RO60: variants seen among roughly 807,000 people sequenced by gnomAD.
The protein encoded by RO60 is Ro60, Y RNA binding protein, also known as RNA-binding protein RO60.
In RO60, 20 loss-of-function variants were observed where a neutral mutation model predicts 55.3. That is an observed-to-expected ratio of 0.36 (90% confidence interval 0.25 to 0.53). RO60 has a LOEUF of 0.53. RO60 is among the 20% of genes least tolerant of loss of function. The pLI is 0.92. For synonymous variants in RO60, 213 were observed against 213.6 expected (o/e 1.00, Z 0.02); for missense variants, 558 against 646.6 (o/e 0.86, Z 1.49).
intron 2 of RO60, among the ~76,000 whole-genome samples, chr1:193,075,117 T>C (rs534522479): frequency 6.6e-6 from 1 of 152,118 alleles, no homozygotes; most frequent in Non-Finnish European, 1.5e-5. Context: ...ATTTTAATGT[T>C]GTAATCCAAT....
chr1:193,067,098 C>G (rs1289898626), intron 1 of RO60, among the ~76,000 whole-genome samples: 1 of 151,736 alleles, frequency 6.6e-6, no homozygotes, highest in African/African-American at 2.4e-5. Context: ...TACTACAGCA[C>G]TTAACTACAG....
chr1:193,063,770 A>G (rs1376236243), intron 1 of RO60, among the ~76,000 whole-genome samples: 3 of 152,200 alleles, frequency 2.0e-5, no homozygotes, highest in Non-Finnish European at 4.4e-5. Context: ...TGGGGTCCCC[A>G]GGCTACTCAC....
At chr1:193,069,749 C>A in intron 2 of RO60, 115 bp downstream of exon 2, 1 of 805,314 alleles carries the variant, frequency 1.2e-6, no homozygotes, top group Non-Finnish European at 1.9e-6. Context: ...GCCTTTTATT[C>A]TCAAAATATA....
chr1:193,063,758 A>C (rs1672935772), intron 1 of RO60, among the ~76,000 whole-genome samples: 1 of 152,170 alleles, frequency 6.6e-6, no homozygotes, highest in African/African-American at 2.4e-5. Flanking sequence ...ACCAGCTGTA[A>C]ATGGGGTCCC....
chr1:193,084,020 C>T (rs753406836), intron 8 of RO60, among the ~76,000 whole-genome samples: 2 of 152,140 alleles, frequency 1.3e-5, no homozygotes, highest in African/African-American at 2.4e-5. Context: ...TTAACAGTTA[C>T]GGTAGATGTA....
Position 193,089,147 on chromosome 1 carries a change from C to T in RO60, c.*4416C>T, listed in dbSNP as rs1272393914. On this transcript the variant is annotated 3_prime_UTR_variant, in exon 9 of 9. Coordinates refer to ENST00000400968, the MANE Select transcript of RO60 (RefSeq NM_001173524.2). ...TTTATATTAGATGTTTGCAGAAATT[C>T]TGTGGCCTTTAAGATCAGTTATTCA... 6.6e-6 allele frequency: 1 copy of T among 152,134 alleles called. No homozygotes were observed. The highest frequency in any genetic ancestry group is 1.5e-5 in the Non-Finnish European group (1 of 67,996). The allele number at this position is 152,134 out of a possible 1,614,324, so 9.4% of individuals were successfully genotyped here. A position where few individuals can be genotyped will look rare whatever the true frequency, so the allele number is the denominator to read the frequency against.
downstream of RO60, chr1:193,091,706 CTG>C (rs769375837): frequency 1.2e-6 from 2 of 1,604,014 alleles, no homozygotes; most frequent in African/African-American, 1.3e-5. Context: ...CAGGTGGACA[CTG>C]TGTGAACTGT....
chr1:193,088,376 A>G lies in RO60; in HGVS notation c.*3645A>G, dbSNP rs1239414306. 3 of 92,828 alleles carry G rather than the reference A, an allele frequency of 3.2e-5. No individual in the cohort carries two copies. The highest frequency in any genetic ancestry group is 7.8e-5 in the Non-Finnish European group (3 of 38,558). 5.8% of individuals were successfully genotyped at this position (92,828 alleles called of 1,614,324 possible). On this transcript the variant is annotated 3_prime_UTR_variant, in exon 9 of 9. Coordinates refer to ENST00000400968, the MANE Select transcript of RO60 (RefSeq NM_001173524.2). ...CTACAAATAGTAAAGTACTATTTTC[A>G]TCAGGGATTTTTTTTTTCTTATTTT...
rs1674596493 is a variant in RO60 at position 193,085,675 on chromosome 1, A to AT, written c.*950dup. On this transcript the variant is annotated 3_prime_UTR_variant, in exon 9 of 9. Transcript: ENST00000400968. ...GCTTTTTCCTTACTTTTAAAATAAA[A>AT]TTTTTTACTTTTAACTATTTTTTTA... 1 of 977,366 alleles carries AT rather than the reference A, an allele frequency of 1.0e-6. No individual in the cohort carries two copies. 60.5% of individuals were successfully genotyped at this position (977,366 alleles called of 1,614,324 possible).
intron 2 of RO60, among the ~76,000 whole-genome samples, chr1:193,070,291 A>G (rs1442693362): frequency 6.6e-6 from 1 of 152,182 alleles, no homozygotes; most frequent in African/African-American, 2.4e-5. Flanking sequence ...ACCTAAAGGA[A>G]TATACCAGAT....
intron 2 of RO60, among the ~76,000 whole-genome samples, chr1:193,070,180 C>A (rs914733773): frequency 2.6e-5 from 4 of 150,974 alleles, no homozygotes; most frequent in Admixed American, 6.6e-5. Context: ...ATAAGCAAAT[C>A]AGCTCCTTGC....
In RO60 at chr1:193,085,693, T is replaced by A; in HGVS notation, c.*962T>A. ...AAATAAAATTTTTTACTTTTAACTA[T>A]TTTTTTAGTTAATATTTTTAAAAGT... On this transcript the variant is annotated 3_prime_UTR_variant, in exon 9 of 9. Transcript: ENST00000400968. 1.0e-6 allele frequency: 1 copy of A among 975,768 alleles called. No homozygotes were observed. The highest frequency in any genetic ancestry group is 1.2e-6 in the Non-Finnish European group (1 of 821,244). 60.4% of individuals were successfully genotyped at this position (975,768 alleles called of 1,614,324 possible).
intron 1 of RO60, among the ~76,000 whole-genome samples, chr1:193,067,685 G>A (rs965351221): frequency 6.6e-6 from 1 of 152,130 alleles, no homozygotes; most frequent in African/African-American, 2.4e-5. Flanking sequence ...CAATAGTGGT[G>A]GACTGATGAA....
chr1:193,072,107 A>T (rs1434291299), intron 2 of RO60, among the ~76,000 whole-genome samples: 1 of 152,000 alleles, frequency 6.6e-6, no homozygotes, highest in Admixed American at 6.6e-5. Flanking sequence ...AGATTCAAGC[A>T]ATTCTCCTGC....
rs1674359663 is a variant in RO60, at chr1:193,082,218, A to G, written c.1236A>G (p.Val412=). The G allele has an allele frequency of 6.2e-7, 1 of 1,613,220 alleles. No individual in the cohort carries two copies. The highest frequency in any genetic ancestry group is 8.5e-7 in the Non-Finnish European group (1 of 1,179,582). Reference sequence around the variant, plus strand: ...CACGAACAGAAAAAGATTCTTATGTAGTTGCTTTTTCCGATGAAATGGTAC... The same window carrying G: ...CACGAACAGAAAAAGATTCTTATGTGGTTGCTTTTTCCGATGAAATGGTAC... ...VVTRTEKDSY[V]VAFSDEMVPC... Residue 412 remains valine, a synonymous_variant, in exon 7 of 9, where the codon GTA becomes GTG. Transcript: ENST00000400968.
rs745600410 is a variant in RO60 at position 193,081,357 on chromosome 1, T to C, written c.1087-7T>C. 2 of 1,520,624 alleles carry C rather than the reference T, an allele frequency of 1.3e-6. No individual in the cohort carries two copies. The highest frequency in any genetic ancestry group is 1.8e-6 in the Non-Finnish European group (2 of 1,100,824). 94.2% of individuals were successfully genotyped at this position (1,520,624 alleles called of 1,614,324 possible). On this transcript the variant is annotated splice_region_variant and splice_polypyrimidine_tract_variant and intron_variant, in intron 5 of 8. Transcript: ENST00000400968. The stretch of plus-strand genomic sequence containing the variant: ...TGCTTTTAATGATTGTTTTGTTTTC[T>C]CTGTAGACAGTTGAACCAACTGGAA...
intron 6 of RO60, among the ~76,000 whole-genome samples, 177 bp from the exon 7 acceptor site, chr1:193,082,008 GT>G (rs1217012085): frequency 2.6e-5 from 4 of 152,262 alleles, no homozygotes; most frequent in East Asian, 1.9e-4. Context: ...ATGATAGCCA[GT>G]TTTTTTGTGA....
chr1:193,076,280 A>G (rs150765781), intron 3 of RO60, among the ~76,000 whole-genome samples: 101 of 152,218 alleles, frequency 6.6e-4, no homozygotes, highest in African/African-American at 2.1e-3. Flanking sequence ...AAAATCATCT[A>G]TGCATTTCCT....
rs1674841336 is a variant in RO60, at chr1:193,091,141, A to G, written c.*6410A>G. 6.6e-6 allele frequency: 1 copy of G among 152,580 alleles called. No homozygotes were observed. The highest frequency in any genetic ancestry group is 1.5e-5 in the Non-Finnish European group (1 of 68,278). 9.5% of individuals were successfully genotyped at this position (152,580 alleles called of 1,614,324 possible). Reference sequence around the variant, plus strand: ...ACATCGAATGAAAATGTAGTTGTACAGTTCCAAAAATAATTAATTTTTTAA... The same window carrying G: ...ACATCGAATGAAAATGTAGTTGTACGGTTCCAAAAATAATTAATTTTTTAA... On this transcript the variant is annotated 3_prime_UTR_variant, in exon 9 of 9. Coordinates refer to ENST00000400968, the MANE Select transcript of RO60 (RefSeq NM_001173524.2).
Sources: allele counts gnomAD v4.1 joint callset (sites outside exome capture counted in the v4.1 genomes callset), GRCh38; gene constraint gnomAD v4.1.1; transcripts MANE v1.5; gene names NCBI Gene and HGNC (gene_info 2026-07-23, HGNC 2026-07-21).